Variants in PTP4A1 observed in about 807,000 individuals in gnomAD.
PTP4A1 encodes the protein protein tyrosine phosphatase type IVA 1.
In PTP4A1, 9 loss-of-function variants were observed where a neutral mutation model predicts 20.5. The observed-to-expected ratio is 0.44, with a 90% CI of 0.26 to 0.77. The LOEUF is 0.77. Ranked by LOEUF, PTP4A1 falls within the 30% of genes least tolerant of loss-of-function variation. The pLI is 0.19. For missense variants in PTP4A1, 137 were observed against 218.8 expected, an observed-to-expected ratio of 0.63 and a Z score of 2.36; for synonymous variants, 78 against 67.4, an observed-to-expected ratio of 1.16 and a Z score of -0.77.
chr6:63,549,603 T>C, intron 2 of PTP4A1: 1 of 560,650 alleles, frequency 1.8e-6, no homozygotes, highest in Non-Finnish European at 3.1e-6. Flanking sequence ...GTGATATATA[T>C]ACACAATGGA....
At chr6:63,545,798 C>T (rs969826794) in intron 2 of PTP4A1, among the ~76,000 whole-genome samples, 1 of 151,954 alleles carries the variant, frequency 6.6e-6, no homozygotes, top group Non-Finnish European at 1.5e-5. Flanking sequence ...TTCATTCTAG[C>T]TTTCCCATGT....
chr6:63,549,621 T>C, intron 2 of PTP4A1: 1 of 490,642 alleles, frequency 2.0e-6, no homozygotes, highest in Non-Finnish European at 3.6e-6. Context: ...GGAATACTAA[T>C]TATCCATACA....
At chr6:63,579,438 A>C in intron 5 of PTP4A1, 107 bp downstream of exon 5, 1 of 778,826 alleles carries the variant, frequency 1.3e-6, no homozygotes. Flanking sequence ...TTATTTTTTG[A>C]GATAGTATTA....
At chr6:63,540,759 G>A (rs538875921) in intron 2 of PTP4A1, among the ~76,000 whole-genome samples, 319 of 151,962 alleles carry the variant, frequency 2.1e-3, no homozygotes, top group Non-Finnish European at 2.6e-3. Flanking sequence ...GGTTATGAGG[G>A]TGGCGGGGAG....
chr6:63,520,104 A>G (rs916714627), upstream of PTP4A1, among the ~76,000 whole-genome samples: 7 of 152,202 alleles, frequency 4.6e-5, no homozygotes, highest in Non-Finnish European at 7.3e-5. Context: ...AACAAAAACT[A>G]ACCACTGGAT....
At chr6:63,534,015 T>C (rs1212138245) in intron 2 of PTP4A1, among the ~76,000 whole-genome samples, 8 of 151,958 alleles carry the variant, frequency 5.3e-5, no homozygotes, top group Admixed American at 3.9e-4. Context: ...GGCTAATCTC[T>C]GTATTTTTAG....
Position 63,528,875 on chromosome 6 carries a change from G to T in PTP4A1, c.-640+791G>T, listed in dbSNP as rs2800041. On this transcript the variant is annotated intron_variant, in intron 2 of 3. Coordinates refer to the PTP4A1 transcript ENST00000639568. ...AGGCCGAGGCCGGTGGATTACCTGA[G>T]GTCAGGAGTTCAAGACCAGCCTGAC... Among the ~76,000 whole-genome samples, 290 of 152,148 alleles carry T rather than the reference G, an allele frequency of 1.9e-3. 1 individual carries two copies. The highest frequency in any genetic ancestry group is 2.2e-3 in the African/African-American group (92 of 41,494).
rs557569997 is a variant in PTP4A1, at chr6:63,579,997, A to G, written c.405-60A>G. 2.4e-6 allele frequency: 3 copies of G among 1,259,396 alleles called. No individual in the cohort carries two copies. The East Asian group carries it at 6.9e-5, about 29-fold the overall frequency. 78.0% of individuals were successfully genotyped at this position (1,259,396 alleles called of 1,614,324 possible). A position where few individuals can be genotyped will look rare whatever the true frequency, so the allele number is the denominator to read the frequency against. ...GAGAGGTGATGGTTGTCTATAAGAC[A>G]CTAAATATTACTGTAGGGGGCTTTT... On this transcript the variant is annotated intron_variant, in intron 5 of 5. Transcript: ENST00000626021.
chr6:63,537,798 G>A (rs1395066122), intron 2 of PTP4A1, among the ~76,000 whole-genome samples: 3 of 152,188 alleles, frequency 2.0e-5, no homozygotes, highest in African/African-American at 7.2e-5. Context: ...GAAGGAGGGT[G>A]ACTATCCTAA....
At chr6:63,552,199 C>A (rs985745622) in intron 3 of PTP4A1, among the ~76,000 whole-genome samples, 2 of 152,162 alleles carry the variant, frequency 1.3e-5, no homozygotes, top group East Asian at 1.9e-4. Flanking sequence ...TCCTCTCCAG[C>A]ACCTGTTATT....
intron 2 of PTP4A1, chr6:63,548,693 C>A: frequency 1.8e-6 from 1 of 557,842 alleles, no homozygotes; most frequent in East Asian, 3.0e-5. Context: ...GTACAGAAAA[C>A]TCAACAGTGT....
intron 3 of PTP4A1, among the ~76,000 whole-genome samples, chr6:63,559,850 C>A (rs1332854292): frequency 6.6e-6 from 1 of 152,152 alleles, no homozygotes; most frequent in African/African-American, 2.4e-5. Context: ...TGGTTTCGAA[C>A]TCCTGGGCTC....
chr6:63,526,833 A>ATT lies in PTP4A1; in HGVS notation c.-905-985_-905-984insTT, dbSNP rs1554197456. On this transcript the variant is annotated intron_variant, in intron 1 of 3. Transcript: ENST00000639568. Reference sequence around the variant, plus strand: ...TATATATATATATATATATATATATATATTTATTTATTTATTCTTCTTAAG... The same window carrying ATT: ...TATATATATATATATATATATATATATTTATTTATTTATTTATTCTTCTTAAG... 5.0e-3 allele frequency among the ~76,000 whole-genome samples: 639 copies of ATT among 127,986 alleles called. 4 individuals are homozygous for ATT. The highest frequency in any genetic ancestry group is 0.011 in the African/African-American group (341 of 30,918). The allele number at this position is 127,986 out of a possible 152,430, so 84.0% of individuals were successfully genotyped here.
At chr6:63,550,551 G>A (rs2149489717) in intron 3 of PTP4A1, 1 of 152,230 alleles carries the variant, frequency 6.6e-6, no homozygotes, top group South Asian at 2.1e-4. Flanking sequence ...CTCGAGCCTT[G>A]GTTCGGGTGC....
intron 2 of PTP4A1, among the ~76,000 whole-genome samples, chr6:63,544,020 C>T (rs1408919098): frequency 2.0e-5 from 3 of 152,146 alleles, no homozygotes; most frequent in African/African-American, 4.8e-5. Context: ...ATTTCCTTCA[C>T]CACATTGTAA....
intron 3 of PTP4A1, among the ~76,000 whole-genome samples, chr6:63,561,077 G>T (rs946638432): frequency 6.6e-6 from 1 of 152,258 alleles, no homozygotes; most frequent in East Asian, 1.9e-4. Flanking sequence ...ATAATTGAAA[G>T]CTTGTTTGTT....
intron 3 of PTP4A1, among the ~76,000 whole-genome samples, chr6:63,560,338 C>CAAAAAAAA (rs369689231): frequency 5.9e-5 from 3 of 50,448 alleles, no homozygotes; most frequent in Non-Finnish European, 1.3e-4. Flanking sequence ...GACTCCGTCT[C>CAAAAAAAA]AAAAAAAAAA....
At chr6:63,536,717 A>C (rs1775743914) in intron 2 of PTP4A1, among the ~76,000 whole-genome samples, 2 of 152,242 alleles carry the variant, frequency 1.3e-5, no homozygotes, top group Admixed American at 1.3e-4. Flanking sequence ...CCTACTTAAT[A>C]GAAAATAAGT....
intron 3 of PTP4A1, among the ~76,000 whole-genome samples, chr6:63,556,073 A>G (rs904089092): frequency 9.2e-5 from 14 of 152,296 alleles, no homozygotes; most frequent in African/African-American, 3.4e-4. Context: ...AATTTCCAAA[A>G]AAATTACTCC....
Sources: allele counts gnomAD v4.1 joint callset (sites outside exome capture counted in the v4.1 genomes callset), GRCh38; gene constraint gnomAD v4.1.1; transcripts MANE v1.5; gene names NCBI Gene and HGNC (gene_info 2026-07-23, HGNC 2026-07-21).